The following RAPGEF5 variants were observed in gnomAD, a reference collection of about 807,000 sequenced individuals.
RAPGEF5 encodes the protein M-Ras-regulated GEF.
In RAPGEF5, 65 loss-of-function variants were observed where a neutral mutation model predicts 125.2. The observed-to-expected ratio is 0.52, with a 90% CI of 0.43 to 0.64. The LOEUF (loss-of-function observed/expected upper bound fraction) is 0.64. RAPGEF5 is among the 30% of genes least tolerant of loss of function. RAPGEF5 has a pLI of 0.00. For synonymous variants in RAPGEF5, 391 were observed against 385.9 expected, an observed-to-expected ratio of 1.01 and a Z score of -0.16; for missense variants, 958 against 1,048.1, an observed-to-expected ratio of 0.91 and a Z score of 1.19.
intron 1 of RAPGEF5, among the ~76,000 whole-genome samples, chr7:22,351,242 C>T (rs1454323823): frequency 6.6e-6 from 1 of 152,148 alleles, no homozygotes; most frequent in Non-Finnish European, 1.5e-5. Context: ...AGTTACCTTT[C>T]GCCTATAACC....
chr7:22,215,038 A>G (rs2108283), intron 9 of RAPGEF5, among the ~76,000 whole-genome samples: 87,346 of 151,998 alleles, frequency 0.57, 25,351 homozygotes, highest in African/African-American at 0.66. Flanking sequence ...TGAGATAAAT[A>G]CTAACATCTC....
At chr7:22,208,434 C>T (rs1162291174) in intron 9 of RAPGEF5, among the ~76,000 whole-genome samples, 9 of 152,136 alleles carry the variant, frequency 5.9e-5, no homozygotes, top group African/African-American at 1.4e-4. Context: ...TCTGTGAGTT[C>T]AAATGAAGGA....
chr7:22,154,883 C>T (rs1285114296), intron 16 of RAPGEF5, among the ~76,000 whole-genome samples: 4 of 152,156 alleles, frequency 2.6e-5, no homozygotes, highest in South Asian at 2.1e-4. Flanking sequence ...ATGAGAGACC[C>T]GAGTCACGCA....
chr7:22,267,307 A>C (rs1413865705), intron 6 of RAPGEF5, among the ~76,000 whole-genome samples: 1 of 152,206 alleles, frequency 6.6e-6, no homozygotes, highest in Non-Finnish European at 1.5e-5. Context: ...CCTAAAAAAA[A>C]ACTATATAAT....
intron 9 of RAPGEF5, chr7:22,203,001 G>T: frequency 4.0e-6 from 1 of 251,972 alleles, no homozygotes; most frequent in Non-Finnish European, 8.4e-6. Context: ...AATTGAATTT[G>T]TATCAGGGTC....
At chr7:22,219,247 T>C (rs1785718228) in intron 9 of RAPGEF5, among the ~76,000 whole-genome samples, 1 of 151,954 alleles carries the variant, frequency 6.6e-6, no homozygotes, top group Non-Finnish European at 1.5e-5. Context: ...CACTCTCAGT[T>C]CTAAGGCTCA....
chr7:22,181,914 C>G (rs189889810), intron 11 of RAPGEF5, among the ~76,000 whole-genome samples: 13 of 152,292 alleles, frequency 8.5e-5, no homozygotes, highest in Admixed American at 7.2e-4. Context: ...AGCAAACATT[C>G]TCCCACACAA....
In RAPGEF5 at chr7:22,136,954, G is replaced by A. The variant is rs751322587; in HGVS notation, c.2307C>T (p.Phe769=). ...TTACTGTTAAACTTTCAAGTTCAGA[G>A]AAAAGTTTCTTAAACTTCCCAGGGA... ...EKIPGKFKKL[F]SELESLTDPS... The change falls in exon 22 of 26, where the codon TTC becomes TTT. Residue 769 remains phenylalanine, a synonymous_variant. Transcript: ENST00000665637. The A allele has an allele frequency of 6.3e-7, 1 of 1,587,662 alleles. No homozygotes were observed. The highest frequency in any genetic ancestry group is 8.6e-7 in the Non-Finnish European group (1 of 1,162,878).
chr7:22,191,926 A>T (rs960629441), intron 11 of RAPGEF5, among the ~76,000 whole-genome samples: 2 of 152,250 alleles, frequency 1.3e-5, no homozygotes, highest in South Asian at 4.1e-4. Flanking sequence ...ATAGAACTGT[A>T]GTGTTATTAA....
chr7:22,166,927 A>G, intron 12 of RAPGEF5, 143 bp downstream of exon 12: 2 of 674,250 alleles, frequency 3.0e-6, no homozygotes, highest in Non-Finnish European at 5.1e-6. Flanking sequence ...TTCATCTTCT[A>G]CCTTGGATAT....
At chr7:22,254,582 T>C (rs1786706960) in intron 7 of RAPGEF5, among the ~76,000 whole-genome samples, 1 of 131,172 alleles carries the variant, frequency 7.6e-6, no homozygotes, top group Non-Finnish European at 1.6e-5. Context: ...CACTCCAGCC[T>C]GGGTGACAAG....
At chr7:22,256,280 T>C (rs1266149335) in intron 7 of RAPGEF5, among the ~76,000 whole-genome samples, 1 of 152,164 alleles carries the variant, frequency 6.6e-6, no homozygotes, top group African/African-American at 2.4e-5. Flanking sequence ...GGCAAAAAAT[T>C]CCCTTTTTGG....
chr7:22,318,680 T>A (rs1386781460), intron 1 of RAPGEF5, among the ~76,000 whole-genome samples: 1 of 152,152 alleles, frequency 6.6e-6, no homozygotes, highest in Non-Finnish European at 1.5e-5. Flanking sequence ...TTTAGTCACG[T>A]CAGTCTTCAT....
intron 23 of RAPGEF5, among the ~76,000 whole-genome samples, chr7:22,132,290 C>T (rs901678549): frequency 3.9e-5 from 6 of 152,106 alleles, no homozygotes; most frequent in Non-Finnish European, 8.8e-5. Context: ...AGTTACAGCA[C>T]ACACTGATGC....
At chr7:22,155,750 T>C (rs1205023400) in intron 16 of RAPGEF5, among the ~76,000 whole-genome samples, 1 of 152,214 alleles carries the variant, frequency 6.6e-6, no homozygotes, top group Non-Finnish European at 1.5e-5. Context: ...AAAAAGGCTT[T>C]CCTCCTTCCA....
intron 12 of RAPGEF5, among the ~76,000 whole-genome samples, chr7:22,165,923 C>T (rs1419758): frequency 0.023 from 3,520 of 151,624 alleles, 118 homozygotes; most frequent in African/African-American, 0.081. Flanking sequence ...TTAAGTAATC[C>T]TCCTCCCTCA....
chr7:22,343,006 T>C (rs1784157319), intron 1 of RAPGEF5, among the ~76,000 whole-genome samples: 1 of 152,316 alleles, frequency 6.6e-6, no homozygotes, highest in African/African-American at 2.4e-5. Flanking sequence ...TGGTATCAAT[T>C]TACTGTATTA....
intron 13 of RAPGEF5, among the ~76,000 whole-genome samples, chr7:22,161,122 T>C (rs575024615): frequency 6.6e-6 from 1 of 151,980 alleles, no homozygotes; most frequent in African/African-American, 2.4e-5. Flanking sequence ...GGCAGGAGAA[T>C]GGCGTGAACC....
intron 9 of RAPGEF5, among the ~76,000 whole-genome samples, chr7:22,217,177 C>T (rs1785657939): frequency 6.6e-6 from 1 of 152,140 alleles, no homozygotes; most frequent in Non-Finnish European, 1.5e-5. Flanking sequence ...TGGATGAAGT[C>T]GATGAAGCAT....
Sources: allele counts gnomAD v4.1 joint callset (sites outside exome capture counted in the v4.1 genomes callset), GRCh38; gene constraint gnomAD v4.1.1; transcripts MANE v1.5; gene names NCBI Gene and HGNC (gene_info 2026-07-23, HGNC 2026-07-21).